SCRN1: variants seen among roughly 807,000 people sequenced by gnomAD.
SCRN1 encodes secernin-1.
A neutral mutation model predicts 43.3 loss-of-function variants in SCRN1; 19 were observed. That is an observed-to-expected ratio of 0.44 (90% CI 0.31 to 0.64). SCRN1 has a LOEUF of 0.64. Among genes scored for constraint, SCRN1 ranks in the 30% least tolerant of loss-of-function variants. The probability of loss-of-function intolerance (pLI) is 0.09; values close to 1 mark genes in which losing one functional copy is unlikely to be tolerated. For missense variants in SCRN1, 447 were observed against 524.1 expected (o/e 0.85, Z 1.44); for synonymous variants, 183 against 188.9 (o/e 0.97, Z 0.26).
intron 6 of SCRN1, among the ~76,000 whole-genome samples, chr7:29,934,465 C>G (rs982289990): frequency 3.9e-5 from 6 of 152,302 alleles, no homozygotes; most frequent in African/African-American, 1.4e-4. Flanking sequence ...AAAAGCCATG[C>G]CCAAATACTT....
rs540673527 is a variant in SCRN1 at position 29,951,739 on chromosome 7, AC to A, written c.341+3439del. 1.2e-3 allele frequency among the ~76,000 whole-genome samples: 184 copies of A among 152,376 alleles called. 1 individual carries two copies. The highest frequency in any genetic ancestry group is 4.3e-3 in the African/African-American group (179 of 41,590). ...ATGTCACTGAAAACGCATTATAAAAACAATATTGCCTAATGCTTACATTCCC... is the reference window on the plus strand; with the variant it reads ...ATGTCACTGAAAACGCATTATAAAAAAATATTGCCTAATGCTTACATTCCC... On this transcript the variant is annotated intron_variant, in intron 3 of 7. Coordinates refer to ENST00000242059, the MANE Select transcript of SCRN1 (RefSeq NM_014766.5).
intron 3 of SCRN1, among the ~76,000 whole-genome samples, chr7:29,948,294 G>C (rs939549034): frequency 6.6e-6 from 1 of 152,216 alleles, no homozygotes; most frequent in Non-Finnish European, 1.5e-5. Context: ...CTAAGCTCCA[G>C]TGTCCTCACT....
chr7:29,943,756 T>C lies in SCRN1; in HGVS notation c.544+221A>G, dbSNP rs181810765. On this transcript the variant is annotated intron_variant, in intron 4 of 7. Coordinates refer to ENST00000242059, the MANE Select transcript of SCRN1 (RefSeq NM_014766.5). ...TTCTTCCCAGAAAGCAAACAGAAAA[T>C]ACGAAATGTTAAGAGACTGCTTCAC... Among the ~76,000 whole-genome samples, 10 of 152,124 alleles carry C rather than the reference T, an allele frequency of 6.6e-5. No homozygotes were observed. The East Asian group carries it at 1.9e-3, about 29-fold the overall frequency.
At chr7:29,957,654 A>G (rs575389652) in intron 2 of SCRN1, among the ~76,000 whole-genome samples, 1 of 152,374 alleles carries the variant, frequency 6.6e-6, no homozygotes, top group East Asian at 1.9e-4. Flanking sequence ...TGGAGAAATT[A>G]CAAAGCTCTA....
intron 1 of SCRN1, among the ~76,000 whole-genome samples, chr7:29,975,345 C>G (rs1788788634): frequency 6.6e-6 from 1 of 152,100 alleles, no homozygotes; most frequent in African/African-American, 2.4e-5. Context: ...TTGTTTGAGG[C>G]ATAATTCTGA....
chr7:29,926,532 G>C lies in SCRN1; in HGVS notation c.1006C>G (p.Arg336Gly), dbSNP rs746705408. ...CGGCGGTCTGGTTTCTCCTGGAACC[G>C]AGGCTCCTTTTTGGCAGGGTCGTCA... is the stretch of plus-strand genomic sequence containing the variant. ...GDDDPAKKEP[R>G]FQEKPDRRHE... The change falls in exon 7 of 8, where the codon CGG (arginine) becomes GGG (glycine). Residue 336 changes from arginine to glycine, a missense_variant. Coordinates refer to ENST00000242059, the MANE Select transcript of SCRN1 (RefSeq NM_014766.5). 59 of 1,614,172 alleles carry C rather than the reference G, an allele frequency of 3.7e-5. No homozygotes were observed. The highest frequency in any genetic ancestry group is 4.9e-5 in the Non-Finnish European group (58 of 1,180,044).
At chr7:29,973,888 A>T (rs747561260) in intron 1 of SCRN1, among the ~76,000 whole-genome samples, 1 of 152,226 alleles carries the variant, frequency 6.6e-6, no homozygotes, top group Non-Finnish European at 1.5e-5. Context: ...AGCATCAGAG[A>T]ACTGGCTGAA....
chr7:29,958,939 G>A (rs891917912), intron 2 of SCRN1, among the ~76,000 whole-genome samples: 1 of 152,206 alleles, frequency 6.6e-6, no homozygotes, highest in Non-Finnish European at 1.5e-5. Flanking sequence ...GGGACCACCT[G>A]CCAGGTTAGG....
rs1787761949 is a variant in SCRN1, at chr7:29,947,177, T to C, written c.342-2998A>G. The C allele has an allele frequency of 4.5e-6, 7 of 1,549,204 alleles. No individual in the cohort carries two copies. In the East Asian group the frequency reaches 1.7e-4, roughly 38 times the overall value. On this transcript the variant is annotated intron_variant, in intron 3 of 7. Coordinates refer to ENST00000242059, the MANE Select transcript of SCRN1 (RefSeq NM_014766.5). Reference sequence around the variant, plus strand: ...GTTCGAATTCTTCCAAAGTGTGTGCTTTGTCCAGCTTGCTCTGGGCCTGGG... The same window carrying C: ...GTTCGAATTCTTCCAAAGTGTGTGCCTTGTCCAGCTTGCTCTGGGCCTGGG...
chr7:29,985,180 C>A (rs76897274), intron 1 of SCRN1, among the ~76,000 whole-genome samples: 2 of 143,108 alleles, frequency 1.4e-5, no homozygotes, highest in Non-Finnish European at 3.1e-5. Context: ...CTGAGGCAGG[C>A]GGATCATGAG....
intron 7 of SCRN1, among the ~76,000 whole-genome samples, chr7:29,926,249 T>C (rs1418988396): frequency 6.6e-6 from 1 of 152,228 alleles, no homozygotes; most frequent in African/African-American, 2.4e-5. Context: ...AAGCTTTGTC[T>C]TATTTGGTTT....
upstream of SCRN1, chr7:29,990,015 C>G: frequency 6.9e-7 from 1 of 1,454,098 alleles, no homozygotes; most frequent in South Asian, 1.4e-5. Context: ...AAAGTGGCCC[C>G]CTCTTTGCTA....
upstream of SCRN1, chr7:29,990,134 G>C (rs1312090021): frequency 6.4e-7 from 1 of 1,551,316 alleles, no homozygotes; most frequent in African/African-American, 1.4e-5. Context: ...CTACGTCCGG[G>C]CCTCGGCGCC....
intron 2 of SCRN1, among the ~76,000 whole-genome samples, 170 bp downstream of exon 2, chr7:29,968,739 T>C (rs183990393): frequency 7.7e-4 from 117 of 152,322 alleles, no homozygotes; most frequent in Non-Finnish European, 1.4e-3. Flanking sequence ...AGCTCTCCCA[T>C]GACCTTGTTT....
chr7:29,927,431 C>G (rs367933475), intron 6 of SCRN1, among the ~76,000 whole-genome samples: 1 of 146,572 alleles, frequency 6.8e-6, no homozygotes, highest in Non-Finnish European at 1.5e-5. Context: ...CCCAGGCCAA[C>G]GGGCTAAGGG....
Position 29,950,140 on chromosome 7 carries a change from G to T in SCRN1, c.341+5039C>A, listed in dbSNP as rs949226957. Among the ~76,000 whole-genome samples, 2 of 152,204 alleles carry T rather than the reference G, an allele frequency of 1.3e-5. No homozygotes were observed. The highest frequency in any genetic ancestry group is 2.9e-5 in the Non-Finnish European group (2 of 68,028). Reference sequence around the variant, plus strand: ...CATCCCTGCACTCTCAGGAGCCCAGGAAGCCCTTGCCCCTACAGGCTTGGA... The same window carrying T: ...CATCCCTGCACTCTCAGGAGCCCAGTAAGCCCTTGCCCCTACAGGCTTGGA... On this transcript the variant is annotated intron_variant, in intron 3 of 7. Transcript: ENST00000242059. This position sits in a 1 kb window ranked among gnomAD's most constrained non-coding sequence, Gnocchi z 4.5.
In SCRN1 at chr7:29,923,520, A is replaced by C. The variant is rs1420855293; in HGVS notation, c.*437T>G. The C allele has an allele frequency of 6.0e-6, 1 of 167,814 alleles. No homozygotes were observed. The highest frequency in any genetic ancestry group is 5.6e-5 in the Admixed American group (1 of 17,894). The allele number at this position is 167,814 out of a possible 1,614,324, so 10.4% of individuals were successfully genotyped here. A position where few individuals can be genotyped will look rare whatever the true frequency, so the allele number is the denominator to read the frequency against. On this transcript the variant is annotated 3_prime_UTR_variant, in exon 8 of 8. Coordinates refer to ENST00000242059, the MANE Select transcript of SCRN1 (RefSeq NM_014766.5). ...ACACACAAGAGCCCTGTGTGTGTGC[A>C]CAAATGCCTCTTGTTAACCTGAAAG...
chr7:29,949,753 C>A lies in SCRN1; in HGVS notation c.341+5426G>T, dbSNP rs1478090160. Among the ~76,000 whole-genome samples, 5 of 152,288 alleles carry A rather than the reference C, an allele frequency of 3.3e-5. No individual in the cohort carries two copies. The East Asian group carries it at 5.8e-4, about 18-fold the overall frequency. ...GCAGTAGTGCAATCATGGTTCACTG[C>A]AGCCCTGACCTCTTGGACTCAGCAA... On this transcript the variant is annotated intron_variant, in intron 3 of 7. Coordinates refer to ENST00000242059, the MANE Select transcript of SCRN1 (RefSeq NM_014766.5).
chr7:29,964,665 G>A (rs1306012416), intron 2 of SCRN1, among the ~76,000 whole-genome samples: 4 of 152,020 alleles, frequency 2.6e-5, no homozygotes, highest in African/African-American at 7.2e-5. Flanking sequence ...GTATCAGGCC[G>A]GGCTCGGTGG....
Sources: allele counts gnomAD v4.1 joint callset (sites outside exome capture counted in the v4.1 genomes callset), GRCh38; gene constraint gnomAD v4.1.1; non-coding constraint Gnocchi (gnomAD v3.1); transcripts MANE v1.5; gene names NCBI Gene and HGNC (gene_info 2026-07-23, HGNC 2026-07-21).